The following VWDE variants were observed in gnomAD, a reference collection of about 807,000 sequenced individuals.
VWDE encodes the protein von Willebrand factor D and EGF domains, also known as von Willebrand factor D and EGF domain-containing protein.
A neutral mutation model predicts 178.4 loss-of-function variants in VWDE; 207 were observed. The observed-to-expected ratio is 1.16, with a 90% CI of 1.04 to 1.30. VWDE has a LOEUF of 1.30. Among genes scored for constraint, VWDE ranks in the 50% most tolerant of loss-of-function variants. The pLI is 0.00. For missense variants in VWDE, 2,287 were observed against 1,901.3 expected, an observed-to-expected ratio of 1.20 and a Z score of -3.77; for synonymous variants, 738 against 651.4, an observed-to-expected ratio of 1.13 and a Z score of -2.02.
intron 7 of VWDE, among the ~76,000 whole-genome samples, chr7:12,376,324 A>T (rs1008345780): frequency 8.5e-5 from 13 of 152,098 alleles, no homozygotes; most frequent in Admixed American, 2.0e-4. Flanking sequence ...CTATGAAAGT[A>T]AAGATTTAAT....
intron 17 of VWDE, among the ~76,000 whole-genome samples, chr7:12,356,713 T>C (rs922781698): frequency 1.3e-5 from 2 of 152,228 alleles, no homozygotes; most frequent in Admixed American, 6.5e-5. Context: ...TAATATGGCA[T>C]AGAACGCAGC....
Position 12,340,875 on chromosome 7 carries a change from A to G in VWDE, c.4271-458T>C, listed in dbSNP as rs374985041. ...ACACCTCTTTATCGCCTTCCCAATT[A>G]AAATGAGAACACTGCACTCAAGTCC... On this transcript the variant is annotated intron_variant, in intron 23 of 28. Transcript: ENST00000275358. 3.5e-4 allele frequency among the ~76,000 whole-genome samples: 54 copies of G among 152,350 alleles called. 1 individual carries two copies. The East Asian group carries it at 9.1e-3, about 26-fold the overall frequency.
Position 12,367,343 on chromosome 7 carries a change from T to C in VWDE, c.2898+14A>G, listed in dbSNP as rs1474755970. On this transcript the variant is annotated intron_variant, in intron 13 of 28. Transcript: ENST00000275358. ...CATACACTCTATTGTTTCTGAACTC[T>C]ATAATTAACATACCTGTAGCTTAGT... 1.1e-5 allele frequency: 17 copies of C among 1,530,186 alleles called. No homozygotes were observed. Among genetic ancestry groups the C allele is most frequent in the Non-Finnish European group, 1.5e-5 (17 of 1,138,450 alleles). 94.8% of individuals were successfully genotyped at this position (1,530,186 alleles called of 1,614,324 possible). A position where few individuals can be genotyped will look rare whatever the true frequency, so the allele number is the denominator to read the frequency against.
At chr7:12,403,328 G>C (rs1260852341) in intron 1 of VWDE, among the ~76,000 whole-genome samples, 1 of 152,222 alleles carries the variant, frequency 6.6e-6, no homozygotes, top group Non-Finnish European at 1.5e-5. Flanking sequence ...ATACCTTGCA[G>C]ATCCGGCGAA....
intron 5 of VWDE, 55 bp downstream of exon 5, chr7:12,380,431 G>C (rs1783781068): frequency 1.3e-6 from 2 of 1,517,742 alleles, no homozygotes; most frequent in African/African-American, 1.4e-5. Flanking sequence ...TTTAAAAATC[G>C]TGTTTGAAAA....
rs1215545765 is a variant in VWDE at position 12,356,136 on chromosome 7, G to A, written c.3720C>T (p.Ser1240=). 1 of 1,551,386 alleles carries A rather than the reference G, an allele frequency of 6.4e-7. No individual in the cohort carries two copies. Among genetic ancestry groups the A allele is most frequent in the Non-Finnish European group, 8.7e-7 (1 of 1,146,986 alleles). ...GSYISGFHSY[S]CDCPPELKVE... ...CTTTGAGCTCAGGTGGACAATCACA[G>A]GAATAACTGTGAAAACCACTAATAT... Residue 1240 remains serine (S), a synonymous_variant, in exon 18 of 29, where the codon TCC becomes TCT. Coordinates refer to ENST00000275358, the MANE Select transcript of VWDE (RefSeq NM_001135924.3).
At chr7:12,402,063 T>A (rs1784923005) in intron 1 of VWDE, among the ~76,000 whole-genome samples, 1 of 152,176 alleles carries the variant, frequency 6.6e-6, no homozygotes, top group African/African-American at 2.4e-5. Context: ...TATTATATGA[T>A]TCAGTTTACA....
At chr7:12,390,839 A>G (rs1784351962) in intron 2 of VWDE, among the ~76,000 whole-genome samples, 1 of 152,070 alleles carries the variant, frequency 6.6e-6, no homozygotes, top group South Asian at 2.1e-4. Context: ...AACTATATGT[A>G]TCAAAAGCCT....
At position 12,379,819 on chromosome 7, in the gene VWDE, G is replaced by A. The variant is rs917697331; in HGVS notation, c.790-253C>T. 3.3e-5 allele frequency among the ~76,000 whole-genome samples: 5 copies of A among 152,138 alleles called. No homozygotes were observed. In the East Asian group the frequency reaches 9.6e-4, roughly 29 times the overall value. ...GTTTTTAAAAAGTACTTAAGGCCGGGTGCGGTGGCTCACGCCTGTAATCCC... is the reference window on the plus strand; with the variant it reads ...GTTTTTAAAAAGTACTTAAGGCCGGATGCGGTGGCTCACGCCTGTAATCCC... On this transcript the variant is annotated intron_variant, in intron 5 of 28. Coordinates refer to ENST00000275358, the MANE Select transcript of VWDE (RefSeq NM_001135924.3).
chr7:12,344,282 CA>C lies in VWDE; in HGVS notation c.3990del (p.Cys1330TrpfsTer56), dbSNP rs1562466567. ...YIGSNCQTAL[C>X]DPDCKNHGKC... ...TTTCCATGGTTTTTGCAATCAGGGT[CA>C]CAAAGAGCTGTATAAAATAAAGCCC... On this transcript the variant is annotated frameshift_variant, in exon 21 of 29. Transcript: ENST00000275358. LOFTEE classifies it high-confidence loss of function. 1 of 1,550,976 alleles carries C rather than the reference CA, an allele frequency of 6.4e-7. No homozygotes were observed.
intron 6 of VWDE, among the ~76,000 whole-genome samples, chr7:12,378,567 T>C (rs1783668335): frequency 6.6e-6 from 1 of 152,098 alleles, no homozygotes; most frequent in African/African-American, 2.4e-5. Flanking sequence ...CTGAATATTC[T>C]CCCTGTTAGC....
At chr7:12,335,616 T>C (rs796735386) in intron 27 of VWDE, among the ~76,000 whole-genome samples, 54 of 151,876 alleles carry the variant, frequency 3.6e-4, no homozygotes, top group African/African-American at 1.2e-3. Flanking sequence ...CCACCACGCC[T>C]GGCTAATTTT....
chr7:12,372,325 TA>T (rs1783253461), intron 10 of VWDE, among the ~76,000 whole-genome samples: 2 of 152,070 alleles, frequency 1.3e-5, no homozygotes, highest in East Asian at 3.9e-4. Context: ...TTCAAATATA[TA>T]ACATATTTTC....
At chr7:12,382,773 C>A (rs896800286) in intron 4 of VWDE, among the ~76,000 whole-genome samples, 1 of 151,774 alleles carries the variant, frequency 6.6e-6, no homozygotes, top group African/African-American at 2.4e-5. Context: ...TAAATAATTT[C>A]AATTTCTGCC....
chr7:12,333,352 CTTT>C, intron 28 of VWDE, 110 bp downstream of exon 28: 3 of 699,400 alleles, frequency 4.3e-6, no homozygotes, highest in Non-Finnish European at 6.8e-6. Context: ...CAAATAAATG[CTTT>C]TTTTATTTTG....
chr7:12,402,990 C>CA (rs1210625272), intron 1 of VWDE, among the ~76,000 whole-genome samples: 9 of 151,712 alleles, frequency 5.9e-5, no homozygotes, highest in Non-Finnish European at 1.0e-4. Flanking sequence ...TGTATGAACA[C>CA]AAAAAACAAG....
chr7:12,342,096 C>T lies in VWDE; in HGVS notation c.4233G>A (p.Gln1411=), dbSNP rs1781363978. ...GGQCLTPDIC[Q]CKPGWYGPTC... ...TGGGTCCATACCAGCCAGGTTTGCA[C>T]TGGCAAATATCTGGTGTAAGACACT... The change falls in exon 23 of 29, where the codon CAG becomes CAA. Residue 1411 remains glutamine (Q), a synonymous_variant. Transcript: ENST00000275358. The T allele has an allele frequency of 6.5e-7, 1 of 1,540,952 alleles. No homozygotes were observed. The highest frequency in any genetic ancestry group is 1.2e-5 in the South Asian group (1 of 84,024).
At chr7:12,344,568 G>C in intron 19 of VWDE, 99 bp from the exon 20 acceptor site, 1 of 890,970 alleles carries the variant, frequency 1.1e-6, no homozygotes, top group East Asian at 2.6e-5. Context: ...TCTGAAGTTT[G>C]AATAGTTAAC....
chr7:12,393,544 TG>T, intron 2 of VWDE, 49 bp downstream of exon 2: 1 of 1,401,332 alleles, frequency 7.1e-7, no homozygotes, highest in Non-Finnish European at 9.5e-7. Flanking sequence ...AATTCTCATA[TG>T]AAAAACACAT....
Sources: allele counts gnomAD v4.1 joint callset (sites outside exome capture counted in the v4.1 genomes callset), GRCh38; gene constraint gnomAD v4.1.1; transcripts MANE v1.5; gene names NCBI Gene and HGNC (gene_info 2026-07-23, HGNC 2026-07-21).